The following CUL4B variants were observed in gnomAD, a reference collection of about 807,000 sequenced individuals.
The protein encoded by CUL4B is cullin-4B.
Under a neutral mutation model 69.2 loss-of-function variants are expected in CUL4B, and 1 was observed. That is an observed-to-expected ratio of 0.01 (90% CI 0.01 to 0.07). CUL4B has a LOEUF of 0.07. Among genes scored for constraint, CUL4B ranks in the 10% least tolerant of loss-of-function variants. The probability of loss-of-function intolerance (pLI) is 1.00; values close to 1 mark genes in which losing one functional copy is unlikely to be tolerated. For synonymous variants in CUL4B, 237 were observed against 223.2 expected, an observed-to-expected ratio of 1.06 and a Z score of -0.55; for missense variants, 328 against 638.8, an observed-to-expected ratio of 0.51 and a Z score of 5.24.
At position 120,544,580 on chromosome X, in the gene CUL4B, T is replaced by G; in HGVS notation, c.984A>C (p.Thr328=). Residue 328 remains threonine (T), a synonymous_variant, in exon 6 of 20, where the codon ACA becomes ACC. Transcript: ENST00000371322. Reference sequence around the variant, plus strand: ...CAATCAAGAGAAGAATGCCATCAATTGTCTTATTCTGCACTTTCTGATCAC... The same window carrying G: ...CAATCAAGAGAAGAATGCCATCAATGGTCTTATTCTGCACTTTCTGATCAC... The part of the protein sequence containing the change: ...IISDQKVQNK[T]IDGILLLIER... The G allele has an allele frequency of 8.3e-7, 1 of 1,207,465 alleles. No individual in the cohort carries two copies. Among genetic ancestry groups the G allele is most frequent in the Non-Finnish European group, 1.1e-6 (1 of 891,663 alleles).
chrX:120,563,004 ACTTT>A (rs1052874068), upstream of CUL4B, among the ~76,000 whole-genome samples: 3 of 112,266 alleles, frequency 2.7e-5, no homozygotes, highest in African/African-American at 6.5e-5. Context: ...AAATAAATCA[ACTTT>A]CTAACTTTGT....
Position 120,560,935 on chromosome X carries a change from C to T in CUL4B, c.-297G>A, listed in dbSNP as rs1925260715. On this transcript the variant is annotated 5_prime_UTR_variant, in exon 1 of 20. Coordinates refer to ENST00000371322, the MANE Select transcript of CUL4B (RefSeq NM_001079872.2). ...CCTGCTTTTCGATCTCTCTCCCCCCCTTTCTGCAGGAGCGACTCAGCGAGT... is the reference window on the plus strand; with the variant it reads ...CCTGCTTTTCGATCTCTCTCCCCCCTTTTCTGCAGGAGCGACTCAGCGAGT... 6.6e-6 allele frequency: 5 copies of T among 753,791 alleles called. No individual in the cohort carries two copies. Among genetic ancestry groups the T allele is most frequent in the Non-Finnish European group, 7.8e-6 (5 of 639,087 alleles). 62.1% of individuals were successfully genotyped at this position (753,791 alleles called of 1,213,427 possible).
chrX:120,569,724 C>T (rs1431089704), downstream of CUL4B, among the ~76,000 whole-genome samples: 1 of 111,272 alleles, frequency 9.0e-6, no homozygotes, highest in Non-Finnish European at 1.9e-5. Context: ...GACAGAGTGA[C>T]AAAGGCCACT....
chrX:120,543,830 A>G lies in CUL4B; in HGVS notation c.1174-21T>C, dbSNP rs1318304471. 1.7e-5 allele frequency: 18 copies of G among 1,088,151 alleles called. 1 individual carries two copies. The Admixed American group carries it at 2.4e-4, about 15-fold the overall frequency. 89.7% of individuals were successfully genotyped at this position (1,088,151 alleles called of 1,213,427 possible). On this transcript the variant is annotated intron_variant, in intron 7 of 19. Transcript: ENST00000371322. ...GGAACCTACAAAGATAGTTTTTTAC[A>G]TTATTGTTTTCCTCCCCATAAATCA... is the stretch of plus-strand genomic sequence containing the variant.
chrX:120,569,013 C>T (rs768607173), downstream of CUL4B, among the ~76,000 whole-genome samples: 1 of 111,467 alleles, frequency 9.0e-6, no homozygotes, highest in African/African-American at 3.3e-5. Flanking sequence ...ATCAAAATGC[C>T]CAAAAGGAGA....
chrX:120,543,899 C>G, intron 7 of CUL4B, 90 bp from the exon 8 acceptor site: 1 of 682,818 alleles, frequency 1.5e-6, no homozygotes, highest in Non-Finnish European at 2.4e-6. Flanking sequence ...GTGGCCCTGT[C>G]AAATGTGACA....
chrX:120,553,309 T>C (rs1169628067), intron 2 of CUL4B, among the ~76,000 whole-genome samples: 2 of 111,948 alleles, frequency 1.8e-5, no homozygotes, highest in Non-Finnish European at 3.8e-5. Context: ...GCTTTCTTAA[T>C]AATCACTGAC....
At chrX:120,571,875 C>T (rs927004332) in exon 3 of CUL4B, 6 of 110,629 alleles carry the variant, frequency 5.4e-5, no homozygotes, top group African/African-American at 1.6e-4. Context: ...CTGTGGGTTC[C>T]GCAGAGCTGA....
chrX:120,545,267 C>T (rs1924245994), intron 5 of CUL4B, among the ~76,000 whole-genome samples, 177 bp downstream of exon 5: 1 of 111,912 alleles, frequency 8.9e-6, no homozygotes, highest in Non-Finnish European at 1.9e-5. Flanking sequence ...TGTTAGCTAT[C>T]TTCAATATTA....
chrX:120,563,348 G>A (rs1044693898), upstream of CUL4B, among the ~76,000 whole-genome samples: 2 of 111,908 alleles, frequency 1.8e-5, no homozygotes, highest in Non-Finnish European at 3.8e-5. Context: ...ATTCTTGTGC[G>A]TCAGCCTTCT....
At chrX:120,545,320 G>T in intron 5 of CUL4B, 124 bp downstream of exon 5, 1 of 525,898 alleles carries the variant, frequency 1.9e-6, no homozygotes, top group South Asian at 2.9e-5. Flanking sequence ...TGCTACAAAG[G>T]AAAGTCTAGA....
chrX:120,539,311 C>T lies in CUL4B; in HGVS notation c.1698G>A (p.Glu566=). ...TGATCATAATTTTATCCAACATTTT[C>T]TCAAGTTCTTCATCTGTAGCTTCTT... ...GNKEATDEEL[E]KMLDKIMIIF... Residue 566 remains glutamate (E), a synonymous_variant, in exon 12 of 20, where the codon GAG becomes GAA. Coordinates refer to ENST00000371322, the MANE Select transcript of CUL4B (RefSeq NM_001079872.2). 1 of 1,194,319 alleles carries T rather than the reference C, an allele frequency of 8.4e-7. No homozygotes were observed. The highest frequency in any genetic ancestry group is 1.1e-6 in the Non-Finnish European group (1 of 881,898).
rs1416632145 is a variant in CUL4B at position 120,560,928 on chromosome X, T to TC, written c.-291dup. On this transcript the variant is annotated 5_prime_UTR_variant, in exon 1 of 20. Coordinates refer to ENST00000371322, the MANE Select transcript of CUL4B (RefSeq NM_001079872.2). ...CCCCTCCCCTGCTTTTCGATCTCTC[T>TC]CCCCCCCTTTCTGCAGGAGCGACTC... The TC allele has an allele frequency of 1.3e-6, 1 of 748,696 alleles. No individual in the cohort carries two copies. The allele number at this position is 748,696 out of a possible 1,213,427, so 61.7% of individuals were successfully genotyped here.
At chrX:120,536,783 G>T in intron 15 of CUL4B, 144 bp downstream of exon 15, 3 of 470,901 alleles carry the variant, frequency 6.4e-6, no homozygotes, top group Non-Finnish European at 1.1e-5. Flanking sequence ...GATCACTTGA[G>T]CCCAAGAGTT....
At chrX:120,546,986 A>G in intron 3 of CUL4B, 150 bp downstream of exon 3, 1 of 470,620 alleles carries the variant, frequency 2.1e-6, no homozygotes, top group Non-Finnish European at 3.7e-6. Context: ...TGAAAAGTCA[A>G]AATGTGTTTC....
intron 1 of CUL4B, among the ~76,000 whole-genome samples, chrX:120,558,282 TG>T (rs1186414887): frequency 8.9e-6 from 1 of 111,787 alleles, no homozygotes; most frequent in Non-Finnish European, 1.9e-5. Flanking sequence ...TTTCTCCTAT[TG>T]ATTGTATTGC....
chrX:120,552,769 A>C (rs1164116444), intron 2 of CUL4B, among the ~76,000 whole-genome samples: 2 of 112,530 alleles, frequency 1.8e-5, no homozygotes, highest in African/African-American at 6.5e-5. Context: ...CTGAATTTCC[A>C]CCAGGGTGTT....
chrX:120,547,457 G>C (rs1205762724), intron 2 of CUL4B, among the ~76,000 whole-genome samples: 3 of 112,147 alleles, frequency 2.7e-5, no homozygotes, highest in South Asian at 3.7e-4. Flanking sequence ...TACAGGTTTA[G>C]CATCTTTAAT....
chrX:120,539,830 C>T (rs1025781141), intron 11 of CUL4B, among the ~76,000 whole-genome samples: 1 of 111,903 alleles, frequency 8.9e-6, no homozygotes, highest in Non-Finnish European at 1.9e-5. Flanking sequence ...TACATGTTTA[C>T]GGATACATAG....
Sources: gnomAD v4.1 joint callset for allele counts (sites outside exome capture counted in the v4.1 genomes callset) on GRCh38, gnomAD v4.1.1 for gene constraint, MANE v1.5 for transcripts, NCBI Gene and HGNC (gene_info 2026-07-23, HGNC 2026-07-21) for gene names.